Variants in C12orf42 observed in about 807,000 individuals in gnomAD.
C12orf42 encodes the protein chromosome 12 open reading frame 42.
A neutral mutation model predicts 21.6 loss-of-function variants in C12orf42; 25 were observed. The observed-to-expected ratio is 1.16, with a 90% confidence interval of 0.84 to 1.62. The LOEUF is 1.62. Among genes scored for constraint, C12orf42 ranks in the 40% most tolerant of loss-of-function variants. The pLI, the probability that C12orf42 is intolerant of heterozygous loss-of-function variation, is 0.00. For synonymous variants in C12orf42, 174 were observed against 175.0 expected (o/e 0.99, Z 0.05); for missense variants, 483 against 459.3 (o/e 1.05, Z -0.47).
At chr12:103,451,688 C>T (rs1018005943) in intron 2 of C12orf42, among the ~76,000 whole-genome samples, 8 of 152,082 alleles carry the variant, frequency 5.3e-5, no homozygotes, top group Non-Finnish European at 8.8e-5. Flanking sequence ...CTTAGCCAAA[C>T]CCAAACATTT....
intron 2 of C12orf42, among the ~76,000 whole-genome samples, chr12:103,413,521 T>C (rs1459330077): frequency 6.6e-6 from 1 of 152,032 alleles, no homozygotes; most frequent in Non-Finnish European, 1.5e-5. Flanking sequence ...GAACAGGTGG[T>C]GTTTGGTTTT....
intron 4 of C12orf42, among the ~76,000 whole-genome samples, chr12:103,333,570 A>AT (rs1025129419): frequency 3.3e-5 from 5 of 152,134 alleles, no homozygotes; most frequent in Admixed American, 2.0e-4. Context: ...GAATAAAACC[A>AT]TTTTTTTCCA....
chr12:103,072,739 T>C, the C12orf42 span, among the ~76,000 whole-genome samples: 5 of 152,208 alleles, frequency 3.3e-5, no homozygotes, highest in East Asian at 1.9e-4. Flanking sequence ...TGTATAAGCG[T>C]ATCTTTTTCT....
chr12:103,390,252 G>T (rs11111546), intron 3 of C12orf42, among the ~76,000 whole-genome samples: 1 of 152,290 alleles, frequency 6.6e-6, no homozygotes, highest in Admixed American at 6.5e-5. Context: ...TCCAGGCAAA[G>T]TTCTAAGCGT....
At chr12:103,211,846 T>C in the C12orf42 span, among the ~76,000 whole-genome samples, 1 of 152,228 alleles carries the variant, frequency 6.6e-6, no homozygotes, top group Non-Finnish European at 1.5e-5. Flanking sequence ...TTGTCAGATA[T>C]ATATGTTGCA....
chr12:103,148,759 T>C, the C12orf42 span, among the ~76,000 whole-genome samples: 1 of 152,326 alleles, frequency 6.6e-6, no homozygotes, highest in South Asian at 2.1e-4. Context: ...ACTTAATCCA[T>C]GTGGAAAGTG....
At chr12:103,101,517 A>G in the C12orf42 span, among the ~76,000 whole-genome samples, 2 of 152,186 alleles carry the variant, frequency 1.3e-5, no homozygotes, top group Non-Finnish European at 2.9e-5. Flanking sequence ...TAAAAACTAT[A>G]CTCATGTTCA....
chr12:103,205,041 A>T, the C12orf42 span, among the ~76,000 whole-genome samples: 2,910 of 152,286 alleles, frequency 0.019, 34 homozygotes, highest in East Asian at 0.028. Flanking sequence ...GAAGTGGAAG[A>T]TAACACCATA....
intron 2 of C12orf42, among the ~76,000 whole-genome samples, chr12:103,404,087 A>G (rs2048243323): frequency 6.6e-6 from 1 of 152,240 alleles, no homozygotes; most frequent in South Asian, 2.1e-4. Flanking sequence ...CCAATAGCCC[A>G]AGGAAATCAT....
chr12:103,399,471 T>C (rs193075349), intron 3 of C12orf42, among the ~76,000 whole-genome samples: 137 of 138,368 alleles, frequency 9.9e-4, no homozygotes, highest in African/African-American at 3.5e-3. Context: ...CGGGTTCAAA[T>C]AGAATTACTA....
intron 3 of C12orf42, among the ~76,000 whole-genome samples, chr12:103,370,189 C>T (rs566316754): frequency 2.1e-4 from 32 of 152,230 alleles, no homozygotes; most frequent in Non-Finnish European, 4.0e-4. Context: ...AATACCATCT[C>T]GCACCAGTTA....
the C12orf42 span, among the ~76,000 whole-genome samples, chr12:103,507,760 A>T: frequency 6.6e-6 from 1 of 152,190 alleles, no homozygotes; most frequent in East Asian, 1.9e-4. Context: ...TCCATTCATG[A>T]GATCCATTAT....
chr12:103,050,822 G>C, the C12orf42 span, among the ~76,000 whole-genome samples: 1 of 151,942 alleles, frequency 6.6e-6, no homozygotes, highest in African/African-American at 2.4e-5. Flanking sequence ...AGAAGAGCCA[G>C]CTTCAAACCT....
chr12:103,069,497 A>G, the C12orf42 span, among the ~76,000 whole-genome samples: 1 of 152,004 alleles, frequency 6.6e-6, no homozygotes. Flanking sequence ...TCTAATACAA[A>G]CTCTAGTTAT....
chr12:103,383,999 C>T (rs1273480352), intron 3 of C12orf42, among the ~76,000 whole-genome samples: 2 of 152,140 alleles, frequency 1.3e-5, no homozygotes, highest in Non-Finnish European at 2.9e-5. Context: ...CTGTCTCAAG[C>T]CCAGAGCAGT....
chr12:103,422,987 T>C (rs959176789), intron 2 of C12orf42, among the ~76,000 whole-genome samples: 2 of 152,246 alleles, frequency 1.3e-5, no homozygotes, highest in African/African-American at 4.8e-5. Context: ...GCTCTCATTA[T>C]ATATGTTTGT....
intron 10 of C12orf42, among the ~76,000 whole-genome samples, chr12:103,240,780 T>G (rs1265292333): frequency 6.6e-6 from 1 of 152,230 alleles, no homozygotes; most frequent in Non-Finnish European, 1.5e-5. Flanking sequence ...TTACATTGCA[T>G]TAAAATTATG....
At chr12:103,320,981 G>A (rs1593420009) in intron 4 of C12orf42, among the ~76,000 whole-genome samples, 2 of 152,118 alleles carry the variant, frequency 1.3e-5, no homozygotes, top group East Asian at 1.9e-4. Context: ...AGCATGCCAC[G>A]CTCTGTGAGT....
intron 3 of C12orf42, among the ~76,000 whole-genome samples, chr12:103,382,519 C>T (rs538457185): frequency 7.9e-5 from 12 of 152,272 alleles, no homozygotes; most frequent in African/African-American, 1.7e-4. Context: ...TTTGCTTTGA[C>T]CCTAATGAGA....
Sources: gnomAD v4.1 joint callset for allele counts (sites outside exome capture counted in the v4.1 genomes callset) on GRCh38, gnomAD v4.1.1 for gene constraint, MANE v1.5 for transcripts, NCBI Gene and HGNC (gene_info 2026-07-23, HGNC 2026-07-21) for gene names.